Variants in NPEPPS observed in about 807,000 individuals in gnomAD.
NPEPPS encodes puromycin-sensitive aminopeptidase.
In NPEPPS, 14 loss-of-function variants were observed where a neutral mutation model predicts 115.5. The observed-to-expected ratio is 0.12, with a 90% CI of 0.08 to 0.19. NPEPPS has a LOEUF of 0.19. Ranked by LOEUF, NPEPPS falls within the 10% of genes least tolerant of loss-of-function variation. The pLI is 1.00. For synonymous variants in NPEPPS, 285 were observed against 390.6 expected, an observed-to-expected ratio of 0.73 and a Z score of 3.19; for missense variants, 523 against 1,110.8, an observed-to-expected ratio of 0.47 and a Z score of 7.52.
intron 2 of NPEPPS, among the ~76,000 whole-genome samples, chr17:47,546,567 C>G (rs1012524926): frequency 1.3e-5 from 2 of 151,900 alleles, no homozygotes; most frequent in Non-Finnish European, 2.9e-5. Flanking sequence ...GAGACAGAGT[C>G]TTGCTCTGAC....
At chr17:47,588,022 T>G (rs1250849027) in intron 9 of NPEPPS, among the ~76,000 whole-genome samples, 1 of 151,630 alleles carries the variant, frequency 6.6e-6, no homozygotes, top group East Asian at 1.9e-4. Flanking sequence ...GTGAACTAGA[T>G]GTACCTCTGC....
intron 2 of NPEPPS, among the ~76,000 whole-genome samples, chr17:47,556,659 G>A (rs1317257960): frequency 2.1e-4 from 32 of 152,238 alleles, no homozygotes; most frequent in South Asian, 2.1e-4. Context: ...AGGGGCGGCC[G>A]GGCAGAGGTG....
At chr17:47,544,835 C>T (rs1158561584) in intron 1 of NPEPPS, among the ~76,000 whole-genome samples, 8 of 144,360 alleles carry the variant, frequency 5.5e-5, no homozygotes, top group Non-Finnish European at 1.2e-4. Flanking sequence ...GCCCCTGCAT[C>T]GTGAGTAGCT....
rs1399761831 is a variant in NPEPPS at position 47,621,800 on chromosome 17, T to C, written c.2640T>C (p.Ala880=). The change falls in exon 23 of 23, where the codon GCT becomes GCC. Residue 880 remains alanine (A), a synonymous_variant. Coordinates refer to ENST00000322157, the MANE Select transcript of NPEPPS (RefSeq NM_006310.4). ...TCGAGAGTCACCCAGCTCCTTCAGC[T>C]GAGCGTACCATCCAGCAGTGTTGTG... ...AFFESHPAPS[A]ERTIQQCCEN... 2 of 1,612,816 alleles carry C rather than the reference T, an allele frequency of 1.2e-6. No individual in the cohort carries two copies. Among genetic ancestry groups the C allele is most frequent in the African/African-American group, 1.3e-5 (1 of 74,946 alleles).
intron 2 of NPEPPS, among the ~76,000 whole-genome samples, chr17:47,565,875 A>T (rs1392861956): frequency 6.6e-6 from 1 of 152,182 alleles, no homozygotes; most frequent in Non-Finnish European, 1.5e-5. Flanking sequence ...GTGTTTAGAT[A>T]TCTGGAGAAA....
chr17:47,581,188 G>A (rs566974908), intron 4 of NPEPPS: 8 of 151,744 alleles, frequency 5.3e-5, no homozygotes, highest in Admixed American at 2.0e-4. Flanking sequence ...ATGTTGTTTC[G>A]TTTTGCTTTA....
At chr17:47,601,213 C>T (rs4793913) in intron 14 of NPEPPS, among the ~76,000 whole-genome samples, 68,148 of 151,368 alleles carry the variant, frequency 0.45, 16,303 homozygotes, top group East Asian at 0.55. Context: ...CCAGCCTGGG[C>T]GACAGAGCAA....
chr17:47,530,351 G>GTTTTT (rs58886094), upstream of NPEPPS, among the ~76,000 whole-genome samples: 9 of 97,796 alleles, frequency 9.2e-5, no homozygotes, highest in African/African-American at 1.6e-4. Context: ...ATTATTAAAG[G>GTTTTT]TTTTTTTTTT....
intron 5 of NPEPPS, among the ~76,000 whole-genome samples, chr17:47,583,772 G>A (rs1234925964): frequency 1.3e-5 from 2 of 151,822 alleles, no homozygotes; most frequent in Non-Finnish European, 2.9e-5. Context: ...AAACTTAAAA[G>A]TTAGCCAGGT....
chr17:47,535,869 C>T (rs1908206579), intron 1 of NPEPPS, among the ~76,000 whole-genome samples: 1 of 124,324 alleles, frequency 8.0e-6, no homozygotes, highest in Admixed American at 1.1e-4. Flanking sequence ...TGGAGTCTTG[C>T]TCTGCCACCC....
At chr17:47,546,131 A>G (rs1351483545) in intron 2 of NPEPPS, 138 bp downstream of exon 2, 84 of 1,465,464 alleles carry the variant, frequency 5.7e-5, no homozygotes, top group Non-Finnish European at 7.5e-5. Context: ...GTTACTTTAG[A>G]AATGGGTAAA....
At chr17:47,535,010 C>A (rs550118049) in intron 1 of NPEPPS, among the ~76,000 whole-genome samples, 96 of 143,580 alleles carry the variant, frequency 6.7e-4, no homozygotes, top group Middle Eastern at 4.2e-3. Context: ...TCTGGGAGGC[C>A]GAGGCGGGCG....
intron 2 of NPEPPS, among the ~76,000 whole-genome samples, chr17:47,554,567 T>C (rs1909876843): frequency 6.6e-6 from 1 of 151,814 alleles, no homozygotes; most frequent in Non-Finnish European, 1.5e-5. Context: ...GCTTTATTGC[T>C]GAAGTTGGTC....
intron 3 of NPEPPS, 141 bp downstream of exon 3, chr17:47,569,635 T>G (rs1911073332): frequency 5.1e-6 from 3 of 592,432 alleles, no homozygotes; most frequent in Non-Finnish European, 9.1e-6. Flanking sequence ...TTTTTTCCTT[T>G]GAGACGGAGT....
intron 3 of NPEPPS, among the ~76,000 whole-genome samples, chr17:47,574,355 ATTG>A (rs1341253924): frequency 2.6e-5 from 4 of 152,026 alleles, no homozygotes; most frequent in Non-Finnish European, 4.4e-5. Flanking sequence ...CGTAGATTGA[ATTG>A]TTGTTCAGCA....
chr17:47,569,930 T>A (rs1160187806), intron 3 of NPEPPS, among the ~76,000 whole-genome samples: 8 of 152,132 alleles, frequency 5.3e-5, no homozygotes, highest in Non-Finnish European at 1.2e-4. Context: ...TATTAAGAGC[T>A]TTTTAAAGAG....
chr17:47,591,278 G>A (rs1446874621), intron 10 of NPEPPS, among the ~76,000 whole-genome samples: 1 of 152,092 alleles, frequency 6.6e-6, no homozygotes, highest in South Asian at 2.1e-4. Context: ...GGCTGAGGCA[G>A]GAGAATCACT....
At chr17:47,586,858 A>C in intron 8 of NPEPPS, 1 of 434,902 alleles carries the variant, frequency 2.3e-6, no homozygotes, top group Non-Finnish European at 4.5e-6. Context: ...CAGCCGGCTC[A>C]GTGCTGTTTT....
intron 8 of NPEPPS, 151 bp from the exon 9 acceptor site, chr17:47,587,079 C>T (rs1361681113): frequency 1.3e-5 from 8 of 635,474 alleles, no homozygotes; most frequent in African/African-American, 3.7e-5. Flanking sequence ...CTTTAATCTT[C>T]GTGAAACTTT....
Sources: gnomAD v4.1 joint callset for allele counts (sites outside exome capture counted in the v4.1 genomes callset) on GRCh38, gnomAD v4.1.1 for gene constraint, MANE v1.5 for transcripts, NCBI Gene and HGNC (gene_info 2026-07-23, HGNC 2026-07-21) for gene names.